Variants in ZNF195 observed in about 807,000 individuals in gnomAD.
ZNF195 encodes the protein hypoxia-regulated factor-1.
Under a neutral mutation model 19.5 loss-of-function variants are expected in ZNF195, and 11 were observed. That is an observed-to-expected ratio of 0.57 (90% CI 0.36 to 0.94). ZNF195 has a LOEUF of 0.94. ZNF195 is among the 40% of genes least tolerant of loss of function. The pLI, the probability that ZNF195 is intolerant of heterozygous loss-of-function variation, is 0.01. For synonymous variants in ZNF195, 214 were observed against 248.1 expected, an observed-to-expected ratio of 0.86 and a Z score of 1.29; for missense variants, 582 against 709.0, an observed-to-expected ratio of 0.82 and a Z score of 2.03.
At chr11:3,361,362 A>G (rs964449285) in intron 4 of ZNF195, among the ~76,000 whole-genome samples, 1 of 152,188 alleles carries the variant, frequency 6.6e-6, no homozygotes, top group Non-Finnish European at 1.5e-5. Flanking sequence ...AATCAAAGAA[A>G]TAAAAAAAGT....
intron 1 of ZNF195, 101 bp from the exon 2 acceptor site, chr11:3,371,804 A>G (rs1849226393): frequency 7.4e-7 from 1 of 1,346,494 alleles, no homozygotes; most frequent in Non-Finnish European, 1.0e-6. Context: ...AAATTATACA[A>G]TAAGGTAATT....
At chr11:3,377,511 G>T (rs536255389) in intron 1 of ZNF195, 3 of 910,342 alleles carry the variant, frequency 3.3e-6, no homozygotes, top group Non-Finnish European at 4.1e-6. Context: ...AAATGATTTC[G>T]GTCTTTTCCC....
intron 3 of ZNF195, among the ~76,000 whole-genome samples, chr11:3,369,689 A>C (rs1849092609): frequency 1.3e-5 from 2 of 152,238 alleles, no homozygotes; most frequent in African/African-American, 4.8e-5. Context: ...TCGTGGCTGA[A>C]CTCACAGGAG....
At chr11:3,375,323 C>T (rs1026941511) in intron 1 of ZNF195, among the ~76,000 whole-genome samples, 1 of 152,160 alleles carries the variant, frequency 6.6e-6, no homozygotes, top group Non-Finnish European at 1.5e-5. Flanking sequence ...TGGCCACTTC[C>T]TTGTCTATTT....
intron 3 of ZNF195, chr11:3,369,357 C>T (rs1849066223): frequency 3.9e-6 from 1 of 255,994 alleles, no homozygotes; most frequent in African/African-American, 2.3e-5. Flanking sequence ...ATAAACCTAC[C>T]CTGCAACGCA....
At chr11:3,360,814 A>T (rs1848600863) in intron 4 of ZNF195, 26 bp from the exon 5 acceptor site, 2 of 1,549,554 alleles carry the variant, frequency 1.3e-6, no homozygotes, top group South Asian at 2.4e-5. Flanking sequence ...GAAGAAAAAC[A>T]GTCTGTTACG....
rs199876671 is a variant in ZNF195, at chr11:3,358,773, T to C, written c.*345A>G. 2 of 54,470 alleles carry C rather than the reference T, an allele frequency of 3.7e-5. No homozygotes were observed. The highest frequency in any genetic ancestry group is 5.6e-5 in the Non-Finnish European group (2 of 35,524). The allele number at this position is 54,470 out of a possible 1,614,324, so 3.4% of individuals were successfully genotyped here. ...TCATTTCTGAACGTGTCCTTGCTTA[T>C]TTTTCCCATTTAGTGTATTTGCAAA... On this transcript the variant is annotated 3_prime_UTR_variant, in exon 6 of 6. Transcript: ENST00000399602.
chr11:3,364,229 G>A (rs1848758056), intron 3 of ZNF195, among the ~76,000 whole-genome samples: 1 of 152,180 alleles, frequency 6.6e-6, no homozygotes, highest in Non-Finnish European at 1.5e-5. Context: ...GGTGGGCCAA[G>A]GCAGGAGGGT....
chr11:3,370,915 C>A lies in ZNF195; in HGVS notation c.226+60G>T, dbSNP rs867454722. 6.4e-6 allele frequency: 10 copies of A among 1,564,672 alleles called. No homozygotes were observed. In the Middle Eastern group the frequency reaches 6.8e-4, roughly 106 times the overall value. ...TCTCAAACCACATTTTAAGGTCTGG[C>A]TTCCTCCTCGACCTCTGGACCTCTC... On this transcript the variant is annotated intron_variant, in intron 3 of 5. Coordinates refer to ENST00000399602, the MANE Select transcript of ZNF195 (RefSeq NM_001130520.3).
At chr11:3,376,466 C>T (rs758607102) in intron 1 of ZNF195, among the ~76,000 whole-genome samples, 3 of 152,248 alleles carry the variant, frequency 2.0e-5, no homozygotes, top group South Asian at 2.1e-4. Flanking sequence ...GCCAGGCCTT[C>T]GATTGCTTTC....
intron 3 of ZNF195, chr11:3,368,914 T>C (rs1849040783): frequency 2.2e-6 from 1 of 447,500 alleles, no homozygotes; most frequent in Non-Finnish European, 4.5e-6. Context: ...TCTTACACCA[T>C]ACTCAAAAAT....
In ZNF195 at chr11:3,361,564, T is replaced by C. The variant is rs1848633922; in HGVS notation, c.373+179A>G. Among the ~76,000 whole-genome samples the C allele has an allele frequency of 4.6e-5, 7 of 151,842 alleles. 1 individual carries two copies. The South Asian group carries it at 1.5e-3, about 32-fold the overall frequency. ...AAACTGAGGTATGAAAGGAAATAAT[T>C]ACTGAGAAATTCTCAAAAGTAAGAA... On this transcript the variant is annotated intron_variant, in intron 4 of 5. Coordinates refer to ENST00000399602, the MANE Select transcript of ZNF195 (RefSeq NM_001130520.3).
intron 1 of ZNF195, chr11:3,377,902 TA>T: frequency 2.0e-6 from 2 of 986,756 alleles, no homozygotes; most frequent in Non-Finnish European, 2.4e-6. Flanking sequence ...TGTCTGTGCC[TA>T]GGGAAAATAA....
chr11:3,366,701 T>C (rs1392289442), intron 3 of ZNF195: 1 of 200,226 alleles, frequency 5.0e-6, no homozygotes, highest in Non-Finnish European at 1.1e-5. Flanking sequence ...CTGTCAAGGA[T>C]GTGAAGACAT....
At chr11:3,377,515 T>G (rs964605713) in intron 1 of ZNF195, 14 of 954,822 alleles carry the variant, frequency 1.5e-5, no homozygotes, top group African/African-American at 7.0e-5. Context: ...GATTTCGGTC[T>G]TTTCCCTCTG....
intron 1 of ZNF195, chr11:3,373,727 CAGA>C: frequency 8.6e-7 from 1 of 1,158,728 alleles, no homozygotes; most frequent in South Asian, 1.4e-5. Flanking sequence ...CAACCATCAA[CAGA>C]AAGACCAAGA....
chr11:3,372,567 G>A (rs1432738251), intron 1 of ZNF195, among the ~76,000 whole-genome samples: 1 of 117,586 alleles, frequency 8.5e-6, no homozygotes, highest in Non-Finnish European at 1.9e-5. Flanking sequence ...ATATCTCCCA[G>A]GTTCTGACAA....
At chr11:3,371,454 T>C in intron 2 of ZNF195, 123 bp downstream of exon 2, 2 of 1,312,888 alleles carry the variant, frequency 1.5e-6, no homozygotes, top group East Asian at 2.5e-5. Context: ...CCCCATGTTT[T>C]TCTTAAAAGC....
At position 3,360,579 on chromosome 11, in the gene ZNF195, A is replaced by G. The variant is rs766271389; in HGVS notation, c.443-14T>C. 8 of 1,555,844 alleles carry G rather than the reference A, an allele frequency of 5.1e-6. No homozygotes were observed. In the Admixed American group the frequency reaches 1.3e-4, roughly 25 times the overall value. ...GAGAAGACATAGCTGAAAAAAAAAA[A>G]AAAAGTTATCCGACTTACTAGACAC... On this transcript the variant is annotated splice_polypyrimidine_tract_variant and intron_variant, in intron 5 of 5. Transcript: ENST00000399602.
Sources: allele counts gnomAD v4.1 joint callset (sites outside exome capture counted in the v4.1 genomes callset), GRCh38; gene constraint gnomAD v4.1.1; transcripts MANE v1.5; gene names NCBI Gene and HGNC (gene_info 2026-07-23, HGNC 2026-07-21).